SEM1: variants seen among roughly 807,000 people sequenced by gnomAD.
The protein encoded by SEM1 is 26S proteasome complex subunit SEM1.
A neutral mutation model predicts 12.7 loss-of-function variants in SEM1; 3 were observed. The ratio of observed to expected loss-of-function variants is 0.24; its 90% CI spans 0.11 to 0.61. SEM1 has a LOEUF of 0.61. SEM1 is among the 20% of genes least tolerant of loss of function. SEM1 has a pLI of 0.88. For missense variants in SEM1, 59 were observed against 81.3 expected, an observed-to-expected ratio of 0.73 and a Z score of 1.06; for synonymous variants, 30 against 27.8, an observed-to-expected ratio of 1.08 and a Z score of -0.25.
intron 2 of SEM1, among the ~76,000 whole-genome samples, chr7:96,660,326 C>A (rs543273734): frequency 5.9e-5 from 9 of 152,094 alleles, no homozygotes; most frequent in Admixed American, 2.0e-4. Flanking sequence ...ACTACAGATA[C>A]AAATGGACAA....
At chr7:96,486,404 C>T in exon 2 of SEM1, 3 of 1,536,912 alleles carry the variant, frequency 2.0e-6, no homozygotes, top group Non-Finnish European at 2.6e-6. Context: ...AAACACAGCA[C>T]AAATGTTGGA....
At chr7:96,636,808 T>C (rs1808441922) in intron 2 of SEM1, among the ~76,000 whole-genome samples, 1 of 151,996 alleles carries the variant, frequency 6.6e-6, no homozygotes, top group Non-Finnish European at 1.5e-5. Context: ...TCCTCTCTGT[T>C]TTACATGGTG....
chr7:96,592,050 C>T (rs1806846145), intron 2 of SEM1, among the ~76,000 whole-genome samples: 1 of 151,950 alleles, frequency 6.6e-6, no homozygotes, highest in Non-Finnish European at 1.5e-5. Flanking sequence ...GAGGGGATGC[C>T]AGTAGGATTA....
At chr7:96,513,236 C>T (rs6947419) in intron 2 of SEM1, among the ~76,000 whole-genome samples, 5,251 of 151,994 alleles carry the variant, frequency 0.035, 303 homozygotes, top group African/African-American at 0.12. Flanking sequence ...GAGAGAGGCA[C>T]GGAATGGAGT....
At chr7:96,612,887 G>A (rs1357443616) in intron 2 of SEM1, among the ~76,000 whole-genome samples, 5 of 152,088 alleles carry the variant, frequency 3.3e-5, no homozygotes, top group African/African-American at 4.8e-5. Context: ...CGCCTGCCTC[G>A]GCCTCCCAAA....
At chr7:96,668,486 CATTATTAATGCTTAAA>C (rs1328640685), downstream of SEM1, among the ~76,000 whole-genome samples, 1 of 152,086 alleles carries the variant, frequency 6.6e-6, no homozygotes, top group Non-Finnish European at 1.5e-5. Flanking sequence ...TAGTGTGTTT[CATTATTAATGCTTAAA>C]TAGATATATT....
chr7:96,648,000 G>A (rs1442297926), intron 2 of SEM1, among the ~76,000 whole-genome samples: 3 of 152,196 alleles, frequency 2.0e-5, no homozygotes, highest in Non-Finnish European at 4.4e-5. Context: ...AGTACAAAAT[G>A]TTAGCAAATG....
chr7:96,628,757 T>C (rs762842843), intron 2 of SEM1, among the ~76,000 whole-genome samples: 2 of 152,164 alleles, frequency 1.3e-5, no homozygotes, highest in Non-Finnish European at 2.9e-5. Flanking sequence ...TCCGATGATT[T>C]TATATTGCTC....
chr7:96,557,798 C>T (rs999764141), intron 2 of SEM1, among the ~76,000 whole-genome samples: 6 of 152,006 alleles, frequency 3.9e-5, no homozygotes, highest in African/African-American at 4.8e-5. Context: ...GCCTCGCTGC[C>T]GCCTTGCAGT....
At chr7:96,483,308 T>C (rs1398363111) in exon 4 of SEM1, 1 of 155,358 alleles carries the variant, frequency 6.4e-6, no homozygotes, top group Admixed American at 6.2e-5. Flanking sequence ...TAAGAAGTGG[T>C]AGAGAAAGAA....
At chr7:96,661,520 A>G (rs1273428696) in intron 2 of SEM1, among the ~76,000 whole-genome samples, 1 of 152,224 alleles carries the variant, frequency 6.6e-6, no homozygotes, top group Non-Finnish European at 1.5e-5. Flanking sequence ...TACCAGATGT[A>G]AGGACTTGCT....
chr7:96,657,798 CCA>C (rs1809227479), intron 2 of SEM1, among the ~76,000 whole-genome samples: 1 of 152,192 alleles, frequency 6.6e-6, no homozygotes. Flanking sequence ...CACAACAACG[CCA>C]GTGGCCAGCC....
At chr7:96,694,398 T>C (rs531267262) in intron 2 of SEM1, among the ~76,000 whole-genome samples, 1 of 152,094 alleles carries the variant, frequency 6.6e-6, no homozygotes, top group South Asian at 2.1e-4. Flanking sequence ...TACATGAATA[T>C]GACACAGTAC....
intron 2 of SEM1, among the ~76,000 whole-genome samples, chr7:96,563,154 C>T (rs554249057): frequency 6.6e-6 from 1 of 152,056 alleles, no homozygotes; most frequent in East Asian, 1.9e-4. Flanking sequence ...CAAGAGGTGA[C>T]ATGCAAAAGG....
chr7:96,683,476 C>T (rs566162707), intron 2 of SEM1, among the ~76,000 whole-genome samples: 4 of 152,190 alleles, frequency 2.6e-5, no homozygotes, highest in East Asian at 3.9e-4. Context: ...GTCAGTGTGG[C>T]GATTCCTCAA....
intron 1 of SEM1, among the ~76,000 whole-genome samples, chr7:96,495,735 A>G (rs1285530143): frequency 3.3e-5 from 5 of 152,148 alleles, no homozygotes; most frequent in Admixed American, 6.6e-5. Context: ...TCTGTTTAAC[A>G]TCTTTCACTT....
chr7:96,660,851 C>A (rs918676643), intron 2 of SEM1, among the ~76,000 whole-genome samples: 3 of 151,772 alleles, frequency 2.0e-5, no homozygotes, highest in African/African-American at 7.3e-5. Context: ...TGGAATCTGA[C>A]CACAACAGAA....
chr7:96,552,920 T>G (rs1805335595), intron 2 of SEM1, among the ~76,000 whole-genome samples: 1 of 150,036 alleles, frequency 6.7e-6, no homozygotes, highest in African/African-American at 2.4e-5. Flanking sequence ...CATTGTGGTT[T>G]TGATTTGCAT....
chr7:96,680,746 G>A (rs1789587039), intron 2 of SEM1, among the ~76,000 whole-genome samples: 1 of 152,066 alleles, frequency 6.6e-6, no homozygotes, highest in Non-Finnish European at 1.5e-5. Flanking sequence ...TAAAACTACG[G>A]TTAATATAAA....
Sources: gnomAD v4.1 joint callset for allele counts (sites outside exome capture counted in the v4.1 genomes callset) on GRCh38, gnomAD v4.1.1 for gene constraint, MANE v1.5 for transcripts, NCBI Gene and HGNC (gene_info 2026-07-23, HGNC 2026-07-21) for gene names.